ATP8B4: variants seen among roughly 807,000 people sequenced by gnomAD.
The protein encoded by ATP8B4 is probable phospholipid-transporting ATPase IM.
ATP8B4 carries 133 observed loss-of-function variants against 145.6 expected under a neutral mutation model. That is an observed-to-expected ratio of 0.91 (90% CI 0.79 to 1.05). The LOEUF is 1.05. ATP8B4 is among the 50% of genes least tolerant of loss of function. The probability of loss-of-function intolerance (pLI) is 0.00; values close to 1 mark genes in which losing one functional copy is unlikely to be tolerated. For missense variants in ATP8B4, 1,458 were observed against 1,425.2 expected, an observed-to-expected ratio of 1.02 and a Z score of -0.37; for synonymous variants, 507 against 492.9, an observed-to-expected ratio of 1.03 and a Z score of -0.38.
intron 23 of ATP8B4, among the ~76,000 whole-genome samples, chr15:49,888,677 A>G (rs912213550): frequency 6.6e-6 from 1 of 152,210 alleles, no homozygotes; most frequent in Admixed American, 6.5e-5. Flanking sequence ...CCAAACCCAC[A>G]GTGGATGCCA....
chr15:49,934,032 C>G lies in ATP8B4; in HGVS notation c.1438G>C (p.Glu480Gln), dbSNP rs745664165. The change falls in exon 15 of 28, where the codon GAA becomes CAA. Residue 480 changes from glutamate (E) to glutamine (Q), a missense_variant. Glu to Gln is a conservative substitution (Grantham distance 29). Coordinates refer to ENST00000284509, the MANE Select transcript of ATP8B4 (RefSeq NM_024837.4). The stretch of plus-strand genomic sequence containing the variant: ...TTTCACTTACCTGCGCTATTCTCTT[C>G]TGACATTACAGTGTGGCAGAGAGCA... ...LLALCHTVMS[E>Q]ENSAGELIYQ... The G allele has an allele frequency of 6.2e-7, 1 of 1,607,878 alleles. No individual in the cohort carries two copies. Among genetic ancestry groups the G allele is most frequent in the South Asian group, 1.1e-5 (1 of 89,958 alleles).
intron 27 of ATP8B4, among the ~76,000 whole-genome samples, chr15:49,861,092 C>T (rs1237167810): frequency 9.1e-6 from 1 of 109,614 alleles, no homozygotes; most frequent in Non-Finnish European, 2.1e-5. Flanking sequence ...TTTCATTTCC[C>T]TGTAAAGCTA....
intron 1 of ATP8B4, among the ~76,000 whole-genome samples, chr15:50,168,282 C>G (rs1036092876): frequency 1.3e-5 from 2 of 152,110 alleles, no homozygotes; most frequent in Admixed American, 6.5e-5. Flanking sequence ...CCAACAATCC[C>G]AAGAGGACCC....
At chr15:50,181,136 A>T (rs2044841364) in intron 1 of ATP8B4, among the ~76,000 whole-genome samples, 1 of 152,220 alleles carries the variant, frequency 6.6e-6, no homozygotes, top group Non-Finnish European at 1.5e-5. Context: ...CAGGCTCCCA[A>T]AATGTAACAT....
At chr15:49,994,372 C>T (rs912721652) in intron 9 of ATP8B4, among the ~76,000 whole-genome samples, 1 of 152,004 alleles carries the variant, frequency 6.6e-6, no homozygotes, top group African/African-American at 2.4e-5. Context: ...CCTCCCATGT[C>T]TTTTTGGGCC....
intron 6 of ATP8B4, among the ~76,000 whole-genome samples, chr15:50,028,753 TAGCATTCTG>T (rs2050196393): frequency 2.0e-5 from 3 of 152,280 alleles, no homozygotes; most frequent in Admixed American, 2.0e-4. Context: ...ACCAACCTAA[TAGCATTCTG>T]CCTGACACAT....
chr15:49,972,789 C>T lies in ATP8B4; in HGVS notation c.1036G>A (p.Val346Met), dbSNP rs1389600064. The T allele has an allele frequency of 4.3e-6, 7 of 1,609,916 alleles. No individual in the cohort carries two copies. The African/African-American group carries it at 5.4e-5, about 12-fold the overall frequency. ...CTGTGTCCTAGACGAATTACTTCCACACTATCATCCATTAAAATGGAAAAA... is the reference window on the plus strand; with the variant it reads ...CTGTGTCCTAGACGAATTACTTCCATACTATCATCCATTAAAATGGAAAAA... Reference protein sequence around the residue: ...TVVPISLYVSVEVIRLGHSYF... With the variant: ...TVVPISLYVSMEVIRLGHSYF... The change falls in exon 13 of 28, where the codon GTG becomes ATG. Residue 346 changes from valine to methionine, a missense_variant and splice_region_variant. Transcript: ENST00000284509.
At chr15:50,011,774 C>T (rs890858231) in intron 6 of ATP8B4, among the ~76,000 whole-genome samples, 2 of 152,104 alleles carry the variant, frequency 1.3e-5, no homozygotes, top group African/African-American at 4.8e-5. Context: ...GCTTTGTTTT[C>T]CAACTTGGAA....
chr15:50,007,448 T>C (rs1315822320), intron 7 of ATP8B4, among the ~76,000 whole-genome samples: 2 of 152,224 alleles, frequency 1.3e-5, no homozygotes, highest in Non-Finnish European at 2.9e-5. Context: ...GAATGTCCCA[T>C]TGGCGAGCTG....
chr15:50,058,900 T>C (rs2052803148), intron 3 of ATP8B4, among the ~76,000 whole-genome samples: 1 of 149,062 alleles, frequency 6.7e-6, no homozygotes, highest in Admixed American at 6.7e-5. Context: ...AGGGAGAGAA[T>C]AGAAGACCAG....
At position 49,866,491 on chromosome 15, in the gene ATP8B4, A is replaced by G. The variant is rs2153379049; in HGVS notation, c.3028-7T>C. ...AACTGGTATCCAAGGCTATCTGTAA[A>G]TAAAATCAAATGCAAACGGGAGGTC... On this transcript the variant is annotated splice_polypyrimidine_tract_variant and splice_region_variant and intron_variant, in intron 25 of 27. Coordinates refer to ENST00000284509, the MANE Select transcript of ATP8B4 (RefSeq NM_024837.4). The G allele has an allele frequency of 6.2e-7, 1 of 1,613,082 alleles. No individual in the cohort carries two copies.
intron 6 of ATP8B4, among the ~76,000 whole-genome samples, chr15:50,023,245 C>G (rs922454824): frequency 1.3e-5 from 2 of 152,142 alleles, no homozygotes; most frequent in Non-Finnish European, 2.9e-5. Flanking sequence ...AATCTTCTCT[C>G]TTCTGAATTC....
chr15:50,103,043 T>C (rs2056465430), intron 2 of ATP8B4, among the ~76,000 whole-genome samples: 2 of 152,018 alleles, frequency 1.3e-5, no homozygotes, highest in Admixed American at 6.6e-5. Flanking sequence ...AAATCCAGCA[T>C]CCCTTTATGA....
chr15:49,981,360 T>C (rs2046138729), intron 10 of ATP8B4, 66 bp from the exon 11 acceptor site: 1 of 1,226,590 alleles, frequency 8.2e-7, no homozygotes, highest in Non-Finnish European at 1.1e-6. Flanking sequence ...TTAATGCTCA[T>C]ATCAAATGTC....
chr15:49,994,653 T>C (rs1213252109), intron 9 of ATP8B4, among the ~76,000 whole-genome samples: 2 of 151,808 alleles, frequency 1.3e-5, no homozygotes, highest in Non-Finnish European at 2.9e-5. Flanking sequence ...CAGGGTATGG[T>C]GGATTGAGAG....
chr15:50,112,881 C>A (rs991024927), intron 1 of ATP8B4, among the ~76,000 whole-genome samples: 1 of 152,086 alleles, frequency 6.6e-6, no homozygotes, highest in Non-Finnish European at 1.5e-5. Context: ...TCAACAAGGC[C>A]CCTGCTTCCC....
chr15:49,937,231 T>G lies in ATP8B4; in HGVS notation c.1288-3049A>C, dbSNP rs1289714116. On this transcript the variant is annotated intron_variant, in intron 14 of 27. Coordinates refer to ENST00000284509, the MANE Select transcript of ATP8B4 (RefSeq NM_024837.4). ...GCGAACTCTACAAAGGCAGGACTTA[T>G]TGGCTATCACGTTTCACTTTAGGGT... Among the ~76,000 whole-genome samples the G allele has an allele frequency of 2.0e-5, 3 of 152,296 alleles. 1 individual carries two copies. In the South Asian group the frequency reaches 6.2e-4, roughly 32 times the overall value.
intron 3 of ATP8B4, among the ~76,000 whole-genome samples, chr15:50,072,729 G>A (rs537182395): frequency 8.6e-5 from 13 of 151,534 alleles, no homozygotes; most frequent in South Asian, 2.1e-4. Context: ...GGGTTCAAGC[G>A]GTTCTCCTGC....
At chr15:49,884,612 AG>A (rs1386307928) in intron 23 of ATP8B4, among the ~76,000 whole-genome samples, 214 of 118,068 alleles carry the variant, frequency 1.8e-3, no homozygotes, top group African/African-American at 6.4e-3. Flanking sequence ...CCAAAAAAAA[AG>A]AAAAAAAAAA....
Sources: gnomAD v4.1 joint callset for allele counts (sites outside exome capture counted in the v4.1 genomes callset) on GRCh38, gnomAD v4.1.1 for gene constraint, MANE v1.5 for transcripts, NCBI Gene and HGNC (gene_info 2026-07-23, HGNC 2026-07-21) for gene names.